PRDM16: variants seen among roughly 807,000 people sequenced by gnomAD.
PRDM16 encodes histone-lysine N-methyltransferase PRDM16.
Under a neutral mutation model 110.6 loss-of-function variants are expected in PRDM16, and 23 were observed. The ratio of observed to expected loss-of-function variants is 0.21; its 90% CI spans 0.15 to 0.29. The LOEUF is 0.29. Ranked by LOEUF, PRDM16 falls within the 10% of genes least tolerant of loss-of-function variation. The probability of loss-of-function intolerance (pLI) is 1.00; values close to 1 mark genes in which losing one functional copy is unlikely to be tolerated. For synonymous variants in PRDM16, 799 were observed against 781.8 expected, an observed-to-expected ratio of 1.02 and a Z score of -0.37; for missense variants, 1,615 against 1,794.3, an observed-to-expected ratio of 0.90 and a Z score of 1.81.
Position 3,339,203 on chromosome 1 carries a change from GA to G in PRDM16, c.439-45946del, listed in dbSNP as rs1642221699. Among the ~76,000 whole-genome samples the G allele has an allele frequency of 6.6e-6, 1 of 152,264 alleles. No homozygotes were observed. Among genetic ancestry groups the G allele is most frequent in the East Asian group, 1.9e-4 (1 of 5,154 alleles). The stretch of plus-strand genomic sequence containing the variant: ...CTGGCCACCCTCACCTCCAGCTGCT[GA>G]AAGCCGAACCACGTTTTGTGGGATA... On this transcript the variant is annotated intron_variant, in intron 3 of 16. Transcript: ENST00000270722. The surrounding 1 kb of genome is among the most constrained non-coding windows in gnomAD (Gnocchi z 5.0).
chr1:3,122,084 C>A (rs1287596270), intron 1 of PRDM16, among the ~76,000 whole-genome samples: 1 of 152,148 alleles, frequency 6.6e-6, no homozygotes, highest in East Asian at 1.9e-4. Flanking sequence ...CCCTTTCCTG[C>A]GCACGGTGTC....
rs1033429030 is a variant in PRDM16 at position 3,414,414 on chromosome 1, C to T, written c.2604-146C>T. 79 of 646,308 alleles carry T rather than the reference C, an allele frequency of 1.2e-4. 1 individual carries two copies. The highest frequency in any genetic ancestry group is 7.2e-4 in the East Asian group (26 of 36,242). 40.0% of individuals were successfully genotyped at this position (646,308 alleles called of 1,614,324 possible). ...AAGGCCCACAGAGGAGTCTGGTGAG[C>T]GTTGGGGCAGCCACGGCGAGGTCCA... On this transcript the variant is annotated intron_variant, in intron 9 of 16. Coordinates refer to ENST00000270722, the MANE Select transcript of PRDM16 (RefSeq NM_022114.4).
At chr1:3,112,260 A>G (rs1184957806) in intron 1 of PRDM16, among the ~76,000 whole-genome samples, 1 of 152,172 alleles carries the variant, frequency 6.6e-6, no homozygotes, top group African/African-American at 2.4e-5. Context: ...GTGGTGACAA[A>G]AGGCAGAGGA....
At chr1:3,134,933 C>G (rs907375096) in intron 1 of PRDM16, among the ~76,000 whole-genome samples, 3 of 152,174 alleles carry the variant, frequency 2.0e-5, no homozygotes, top group African/African-American at 7.2e-5. Flanking sequence ...GGGGATTAGA[C>G]GGCCGAGCTG....
At chr1:3,105,776 G>C (rs966514687) in intron 1 of PRDM16, among the ~76,000 whole-genome samples, 2 of 152,244 alleles carry the variant, frequency 1.3e-5, no homozygotes, top group Non-Finnish European at 2.9e-5. Flanking sequence ...CCCTGAGAAC[G>C]GGGCTAGCAG....
At chr1:3,075,708 G>A (rs1027063554) in intron 1 of PRDM16, among the ~76,000 whole-genome samples, 1 of 152,258 alleles carries the variant, frequency 6.6e-6, no homozygotes, top group Non-Finnish European at 1.5e-5. Flanking sequence ...CGTTTTCCGC[G>A]CTGATGGCGG....
intron 3 of PRDM16, among the ~76,000 whole-genome samples, chr1:3,329,528 C>T (rs959330745): frequency 6.6e-5 from 10 of 152,186 alleles, no homozygotes; most frequent in Admixed American, 2.6e-4. Context: ...ACAGGAGGAC[C>T]GTGGGGCACA....
chr1:3,385,051 T>C (rs993913223), intron 3 of PRDM16, 101 bp from the exon 4 acceptor site: 21 of 1,462,602 alleles, frequency 1.4e-5, no homozygotes, highest in African/African-American at 9.7e-5. Flanking sequence ...CTTGCCTTCC[T>C]ACTTGAGCCC....
At chr1:3,363,663 A>C (rs1642757069) in intron 3 of PRDM16, among the ~76,000 whole-genome samples, 1 of 152,068 alleles carries the variant, frequency 6.6e-6, no homozygotes, top group African/African-American at 2.4e-5. Context: ...CCTTGGAAAC[A>C]AGCCCCCACA....
chr1:3,277,071 G>A (rs1640602780), intron 3 of PRDM16, among the ~76,000 whole-genome samples: 3 of 152,090 alleles, frequency 2.0e-5, no homozygotes, highest in African/African-American at 4.8e-5. Flanking sequence ...CCAGGACCCC[G>A]TTGGCATGAC....
Position 3,435,845 on chromosome 1 carries a change from G to A in PRDM16, c.*2034G>A, listed in dbSNP as rs989873985. On this transcript the variant is annotated 3_prime_UTR_variant, in exon 17 of 17. Transcript: ENST00000270722. ...CTCCTGCAGGAGGCTCAACCCGACG[G>A]ATCACAGTGAAAGGGATTCCTCCCA... is the stretch of plus-strand genomic sequence containing the variant. The A allele has an allele frequency of 4.3e-6, 1 of 232,220 alleles. No homozygotes were observed. Among genetic ancestry groups the A allele is most frequent in the Non-Finnish European group, 8.5e-6 (1 of 117,442 alleles). 14.4% of individuals were successfully genotyped at this position (232,220 alleles called of 1,614,324 possible).
At chr1:3,227,789 G>T (rs1256783912) in intron 2 of PRDM16, among the ~76,000 whole-genome samples, 1 of 152,232 alleles carries the variant, frequency 6.6e-6, no homozygotes, top group Non-Finnish European at 1.5e-5. Context: ...TCTTGCAGGG[G>T]GTGGCCGGGT....
In PRDM16 at chr1:3,186,354, C is replaced by T. The variant is rs1375652103; in HGVS notation, c.267C>T (p.Ser89=). Residue 89 remains serine, a synonymous_variant, in exon 2 of 17, where the codon TCC becomes TCT. Transcript: ENST00000270722. ...CAGCAGACTTCGAGCTCCGAGAGTC[C>T]TCCATCCCAGGGGCTGGCCTGGGGG... ...PIPADFELRE[S]SIPGAGLGVW... is the part of the protein sequence containing the mutation. 2 of 1,612,188 alleles carry T rather than the reference C, an allele frequency of 1.2e-6. No homozygotes were observed. Among genetic ancestry groups the T allele is most frequent in the Admixed American group, 1.7e-5 (1 of 59,940 alleles).
intron 4 of PRDM16, among the ~76,000 whole-genome samples, chr1:3,392,483 C>T (rs1455130173): frequency 2.6e-5 from 4 of 152,128 alleles, no homozygotes; most frequent in African/African-American, 4.8e-5. Context: ...GTCTGCAGTC[C>T]GGTGATTCCC....
chr1:3,326,456 A>G (rs2100475471), intron 3 of PRDM16, among the ~76,000 whole-genome samples: 1 of 152,310 alleles, frequency 6.6e-6, no homozygotes, highest in South Asian at 2.1e-4. Flanking sequence ...TGCAGGGGCC[A>G]TGGTCAGCCC....
Position 3,438,238 on chromosome 1 carries a change from G to T in PRDM16, c.*4427G>T, listed in dbSNP as rs1355624061. ...TTAGCGGTCATTATCGTGTCTGTTG[G>T]TGAAATTTTTATTAAAAGGAAAATT... On this transcript the variant is annotated 3_prime_UTR_variant, in exon 17 of 17. Coordinates refer to ENST00000270722, the MANE Select transcript of PRDM16 (RefSeq NM_022114.4). 1 of 201,822 alleles carries T rather than the reference G, an allele frequency of 5.0e-6. No individual in the cohort carries two copies. The highest frequency in any genetic ancestry group is 1.0e-5 in the Non-Finnish European group (1 of 98,194). The allele number at this position is 201,822 out of a possible 1,614,324, so 12.5% of individuals were successfully genotyped here.
chr1:3,273,561 G>A (rs181674243), intron 3 of PRDM16, among the ~76,000 whole-genome samples: 1 of 152,080 alleles, frequency 6.6e-6, no homozygotes, highest in Non-Finnish European at 1.5e-5. Context: ...CATATATAAG[G>A]GTACATGCCC....
At chr1:3,228,940 G>T (rs1479823724) in intron 2 of PRDM16, among the ~76,000 whole-genome samples, 2 of 152,236 alleles carry the variant, frequency 1.3e-5, no homozygotes, top group African/African-American at 4.8e-5. Context: ...TCCTTGGGAA[G>T]AGCAAATAAA....
chr1:3,311,435 G>A (rs992707655), intron 3 of PRDM16, among the ~76,000 whole-genome samples: 3 of 152,166 alleles, frequency 2.0e-5, no homozygotes, highest in African/African-American at 4.8e-5. Flanking sequence ...CCTCTGCTCC[G>A]AGGCACCAAT....
Sources: gnomAD v4.1 joint callset for allele counts (sites outside exome capture counted in the v4.1 genomes callset) on GRCh38, gnomAD v4.1.1 for gene constraint, Gnocchi (gnomAD v3.1) non-coding constraint, MANE v1.5 for transcripts, NCBI Gene and HGNC (gene_info 2026-07-23, HGNC 2026-07-21) for gene names.